The following BBX variants were observed in gnomAD, a reference collection of about 807,000 sequenced individuals.
The protein encoded by BBX is HMG box transcription factor BBX.
A neutral mutation model predicts 100.2 loss-of-function variants in BBX; 30 were observed. The ratio of observed to expected loss-of-function variants is 0.30; its 90% CI spans 0.22 to 0.41. The LOEUF (loss-of-function observed/expected upper bound fraction) is 0.41. Among genes scored for constraint, BBX ranks in the 10% least tolerant of loss-of-function variants. The pLI, the probability that BBX is intolerant of heterozygous loss-of-function variation, is 1.00. For missense variants in BBX, 1,023 were observed against 1,129.8 expected (o/e 0.91, Z 1.35); for synonymous variants, 376 against 388.1 (o/e 0.97, Z 0.37).
At chr3:107,578,549 A>C (rs964568556) in intron 2 of BBX, among the ~76,000 whole-genome samples, 1 of 152,254 alleles carries the variant, frequency 6.6e-6, no homozygotes, top group Non-Finnish European at 1.5e-5. Context: ...TTTGAAAAAT[A>C]GTAGCATCTA....
At chr3:107,649,942 G>A (rs895349383) in intron 3 of BBX, among the ~76,000 whole-genome samples, 5 of 152,098 alleles carry the variant, frequency 3.3e-5, no homozygotes, top group African/African-American at 1.2e-4. Context: ...TATTAATAAG[G>A]TCAGCATTAA....
chr3:107,523,291 G>C (rs2107258221), intron 1 of BBX, among the ~76,000 whole-genome samples, 184 bp downstream of exon 1: 1 of 152,066 alleles, frequency 6.6e-6, no homozygotes, highest in Non-Finnish European at 1.5e-5. Flanking sequence ...AACCCCGCGC[G>C]TCCGGAGCCG....
Position 107,568,413 on chromosome 3 carries a change from C to T in BBX, c.-84+42015C>T, listed in dbSNP as rs567934185. ...CTGAGTAGCTGGGACTACAGGTGCCCGCCACCACGCTTGGCTAATTTTTTG... is the reference window on the plus strand; with the variant it reads ...CTGAGTAGCTGGGACTACAGGTGCCTGCCACCACGCTTGGCTAATTTTTTG... On this transcript the variant is annotated intron_variant, in intron 2 of 17. Transcript: ENST00000325805. Among the ~76,000 whole-genome samples, 28 of 152,016 alleles carry T rather than the reference C, an allele frequency of 1.8e-4. 1 individual carries two copies. The highest frequency in any genetic ancestry group is 8.5e-4 in the Admixed American group (13 of 15,270).
intron 2 of BBX, among the ~76,000 whole-genome samples, chr3:107,629,448 A>G (rs912092438): frequency 3.9e-5 from 6 of 152,160 alleles, no homozygotes; most frequent in African/African-American, 1.4e-4. Context: ...GTTGAGCACC[A>G]TTGTGGAATG....
chr3:107,635,693 A>G (rs1384900981), intron 2 of BBX, among the ~76,000 whole-genome samples: 5 of 151,534 alleles, frequency 3.3e-5, no homozygotes, highest in South Asian at 2.1e-4. Flanking sequence ...CAGGAAGTAT[A>G]TATGTGGTTC....
intron 16 of BBX, among the ~76,000 whole-genome samples, chr3:107,799,235 G>T (rs2070138616): frequency 6.6e-6 from 1 of 152,042 alleles, no homozygotes; most frequent in African/African-American, 2.4e-5. Context: ...TGCATTCAAA[G>T]CTGTCCCCAG....
At chr3:107,602,966 T>C (rs2054164386) in intron 2 of BBX, among the ~76,000 whole-genome samples, 1 of 152,168 alleles carries the variant, frequency 6.6e-6, no homozygotes. Flanking sequence ...TGTTTTGTTT[T>C]GTTTTGTTTT....
At chr3:107,761,830 G>T (rs1289310309) in intron 10 of BBX, among the ~76,000 whole-genome samples, 1 of 152,158 alleles carries the variant, frequency 6.6e-6, no homozygotes, top group African/African-American at 2.4e-5. Flanking sequence ...AGCCACCATA[G>T]ATCCCTCCAC....
intron 3 of BBX, 84 bp from the exon 4 acceptor site, chr3:107,710,368 T>G: frequency 8.9e-7 from 1 of 1,123,878 alleles, no homozygotes; most frequent in Non-Finnish European, 1.2e-6. Context: ...ATAAACTAAT[T>G]GTAATCAAAT....
intron 3 of BBX, among the ~76,000 whole-genome samples, chr3:107,701,724 C>G (rs926535105): frequency 6.6e-6 from 1 of 151,980 alleles, no homozygotes; most frequent in Admixed American, 6.6e-5. Context: ...TATGTTCTAC[C>G]CATTTGACGA....
intron 7 of BBX, among the ~76,000 whole-genome samples, chr3:107,736,308 A>G (rs1350487828): frequency 6.6e-6 from 1 of 152,120 alleles, no homozygotes; most frequent in African/African-American, 2.4e-5. Context: ...AATCAAATGT[A>G]GTTCTTTAAT....
chr3:107,722,488 A>G (rs1265173114), intron 5 of BBX, among the ~76,000 whole-genome samples: 3 of 152,046 alleles, frequency 2.0e-5, no homozygotes, highest in Non-Finnish European at 4.4e-5. Context: ...TTGTAAAAAA[A>G]CTACTATTGC....
At chr3:107,687,573 CCA>C (rs773773129) in intron 3 of BBX, among the ~76,000 whole-genome samples, 6 of 152,066 alleles carry the variant, frequency 3.9e-5, no homozygotes, top group Non-Finnish European at 8.8e-5. Context: ...TGAAGACTCT[CCA>C]CAGTTTTTCA....
At chr3:107,732,857 G>A in intron 6 of BBX, 99 bp from the exon 7 acceptor site, 1 of 971,366 alleles carries the variant, frequency 1.0e-6, no homozygotes, top group Non-Finnish European at 1.6e-6. Context: ...TGGTTCTGTT[G>A]GATTTCTGAT....
chr3:107,598,805 C>G (rs1414424708), intron 2 of BBX, among the ~76,000 whole-genome samples: 2 of 152,176 alleles, frequency 1.3e-5, no homozygotes, highest in African/African-American at 4.8e-5. Flanking sequence ...TACTATTTCT[C>G]TTGAGGACTG....
At chr3:107,700,051 G>A (rs565928904) in intron 3 of BBX, among the ~76,000 whole-genome samples, 1 of 152,074 alleles carries the variant, frequency 6.6e-6, no homozygotes, top group Admixed American at 6.5e-5. Context: ...GCTGCATTAG[G>A]CAGTACCATA....
intron 5 of BBX, among the ~76,000 whole-genome samples, chr3:107,720,557 T>C (rs2107425306): frequency 6.6e-6 from 1 of 151,982 alleles, no homozygotes; most frequent in South Asian, 2.1e-4. Context: ...TAACAGAAAA[T>C]GATGATACAA....
chr3:107,728,460 T>C (rs2063108105), intron 5 of BBX, among the ~76,000 whole-genome samples: 2 of 152,184 alleles, frequency 1.3e-5, no homozygotes, highest in Non-Finnish European at 2.9e-5. Flanking sequence ...CTCATTCCAT[T>C]ATAAACAACT....
intron 3 of BBX, among the ~76,000 whole-genome samples, chr3:107,681,720 TGA>T (rs2059583560): frequency 6.6e-6 from 1 of 152,140 alleles, no homozygotes; most frequent in Non-Finnish European, 1.5e-5. Context: ...TATCATATAC[TGA>T]GAGAATAAAG....
Sources: allele counts gnomAD v4.1 joint callset (sites outside exome capture counted in the v4.1 genomes callset), GRCh38; gene constraint gnomAD v4.1.1; transcripts MANE v1.5; gene names NCBI Gene and HGNC (gene_info 2026-07-23, HGNC 2026-07-21).